The following PTGER3 variants were observed in gnomAD, a reference collection of about 807,000 sequenced individuals.
The protein encoded by PTGER3 is prostaglandin E receptor 3.
PTGER3 carries 22 observed loss-of-function variants against 34.7 expected under a neutral mutation model. That is an observed-to-expected ratio of 0.63 (90% CI 0.45 to 0.91). The LOEUF is 0.91. Ranked by LOEUF, PTGER3 falls within the 40% of genes least tolerant of loss-of-function variation. PTGER3 has a pLI of 0.00. For missense variants in PTGER3, 468 were observed against 519.4 expected (o/e 0.90, Z 0.96); for synonymous variants, 241 against 230.1 (o/e 1.05, Z -0.43).
chr1:71,016,057 C>T (rs562238123), intron 1 of PTGER3, among the ~76,000 whole-genome samples: 151 of 152,112 alleles, frequency 9.9e-4, no homozygotes, highest in Non-Finnish European at 1.6e-3. Flanking sequence ...CTCAGCCTCC[C>T]GAGATGCTGG....
intron 4 of PTGER3, among the ~76,000 whole-genome samples, chr1:70,863,254 CTTCAG>C (rs745571099): frequency 1.4e-4 from 21 of 152,034 alleles, no homozygotes; most frequent in Admixed American, 5.9e-4. Flanking sequence ...CAATTAGCAA[CTTCAG>C]TTCAGATCAT....
In PTGER3 at chr1:71,004,023, C is replaced by A. The variant is rs558605979; in HGVS notation, c.1077+8282G>T. On this transcript the variant is annotated intron_variant, in intron 2 of 3. Coordinates refer to ENST00000306666, the MANE Select transcript of PTGER3 (RefSeq NM_198719.2). ...CCTAAAATAATTAAGAACCAATGTTCTTTCTAATTAAATATCACTTAAAAC... is the reference window on the plus strand; with the variant it reads ...CCTAAAATAATTAAGAACCAATGTTATTTCTAATTAAATATCACTTAAAAC... 2.0e-5 allele frequency among the ~76,000 whole-genome samples: 3 copies of A among 152,284 alleles called. No homozygotes were observed. In the South Asian group the frequency reaches 6.2e-4, roughly 32 times the overall value.
intron 1 of PTGER3, among the ~76,000 whole-genome samples, chr1:71,030,663 A>G (rs887986210): frequency 1.3e-5 from 2 of 152,208 alleles, no homozygotes; most frequent in South Asian, 2.1e-4. Flanking sequence ...GAATGGAATC[A>G]TTTAACAAGT....
intron 2 of PTGER3, among the ~76,000 whole-genome samples, chr1:70,961,922 C>T (rs1651967851): frequency 6.6e-6 from 1 of 152,178 alleles, no homozygotes; most frequent in Non-Finnish European, 1.5e-5. Flanking sequence ...ATCCAAATTC[C>T]AGCCACAAAC....
intron 1 of PTGER3, among the ~76,000 whole-genome samples, chr1:71,043,703 T>C (rs1270393539): frequency 6.6e-6 from 1 of 152,232 alleles, no homozygotes; most frequent in Non-Finnish European, 1.5e-5. Context: ...TAAATTCTAG[T>C]GTTTTTATTC....
intron 4 of PTGER3, among the ~76,000 whole-genome samples, chr1:70,880,739 T>C (rs1419341383): frequency 1.3e-5 from 2 of 151,602 alleles, no homozygotes; most frequent in Non-Finnish European, 2.9e-5. Context: ...CCCCTAAGTC[T>C]CTTCTGGCTT....
chr1:71,006,611 A>G, intron 2 of PTGER3: 2 of 978,786 alleles, frequency 2.0e-6, no homozygotes, highest in Non-Finnish European at 2.4e-6. Context: ...AAACAAAGAA[A>G]CATCATGTTG....
chr1:70,923,556 A>G lies in PTGER3; in HGVS notation c.*23+30207T>C, dbSNP rs143581241. 1.8e-4 allele frequency among the ~76,000 whole-genome samples: 28 copies of G among 152,294 alleles called. No homozygotes were observed. The East Asian group carries it at 5.0e-3, about 27-fold the overall frequency. The stretch of plus-strand genomic sequence containing the variant: ...AGAATAGAGAAAAATCTTTGAGAAC[A>G]CTCTTGGAAAGCTGAAATGTTCATG... On this transcript the variant is annotated intron_variant, in intron 4 of 4. Coordinates refer to the PTGER3 transcript ENST00000370931.
intron 4 of PTGER3, among the ~76,000 whole-genome samples, chr1:70,910,973 A>G (rs1434771432): frequency 6.6e-6 from 1 of 151,818 alleles, no homozygotes; most frequent in Non-Finnish European, 1.5e-5. Context: ...CCAGCTACTC[A>G]GGAGGCTGAG....
Position 70,981,424 on chromosome 1 carries a change from T to C in PTGER3, c.1078-7036A>G, listed in dbSNP as rs141940253. Among the ~76,000 whole-genome samples the C allele has an allele frequency of 8.6e-4, 124 of 144,894 alleles. 2 individuals are homozygous for C. Among genetic ancestry groups the C allele is most frequent in the Non-Finnish European group, 9.5e-4 (63 of 66,628 alleles). ...CCTTCCTTCCTTCCTTCCTTCTTTC[T>C]TTTCTTTCAGACAGAGTCTGTCTCT... On this transcript the variant is annotated intron_variant, in intron 2 of 3. Transcript: ENST00000306666.
chr1:70,968,624 A>G (rs554074216), downstream of PTGER3, among the ~76,000 whole-genome samples: 55 of 152,206 alleles, frequency 3.6e-4, no homozygotes, highest in Admixed American at 5.9e-4. Context: ...CACAATGGAT[A>G]CATTTGTCTA....
At chr1:70,941,522 T>C (rs1265368942) in intron 4 of PTGER3, among the ~76,000 whole-genome samples, 1 of 152,194 alleles carries the variant, frequency 6.6e-6, no homozygotes, top group Admixed American at 6.5e-5. Context: ...CTTATGTGTA[T>C]GACTTACTGG....
intron 1 of PTGER3, among the ~76,000 whole-genome samples, chr1:71,019,279 G>C (rs1658188780): frequency 6.6e-6 from 1 of 152,166 alleles, no homozygotes; most frequent in Non-Finnish European, 1.5e-5. Flanking sequence ...ACTGGTTTTA[G>C]CAAACACACA....
intron 1 of PTGER3, among the ~76,000 whole-genome samples, chr1:71,028,430 C>T (rs1426712760): frequency 6.6e-6 from 1 of 152,192 alleles, no homozygotes; most frequent in African/African-American, 2.4e-5. Context: ...ACTCTGAAGG[C>T]TGCCCTAATT....
intron 1 of PTGER3, among the ~76,000 whole-genome samples, chr1:71,037,735 T>C (rs1160408937): frequency 3.3e-5 from 5 of 151,662 alleles, no homozygotes; most frequent in African/African-American, 1.2e-4. Flanking sequence ...TCCGGCAAGA[T>C]AAAGTGACTT....
chr1:71,014,413 C>T (rs1261760064), intron 1 of PTGER3, among the ~76,000 whole-genome samples: 1 of 152,134 alleles, frequency 6.6e-6, no homozygotes, highest in East Asian at 1.9e-4. Flanking sequence ...AGATCTTCCT[C>T]TCATTTGAAT....
chr1:70,873,060 T>G (rs891760619), intron 4 of PTGER3, among the ~76,000 whole-genome samples: 1 of 152,144 alleles, frequency 6.6e-6, no homozygotes, highest in Non-Finnish European at 1.5e-5. Context: ...ATCCTCAGGA[T>G]AATAGTAGCA....
At chr1:70,870,941 C>G (rs906488575) in intron 4 of PTGER3, among the ~76,000 whole-genome samples, 1 of 152,160 alleles carries the variant, frequency 6.6e-6, no homozygotes, top group African/African-American at 2.4e-5. Context: ...TCTGAGATGT[C>G]GAAACTCTTC....
chr1:70,963,048 G>GCC (rs1168076309), intron 2 of PTGER3, among the ~76,000 whole-genome samples: 9 of 152,136 alleles, frequency 5.9e-5, no homozygotes, highest in Non-Finnish European at 1.0e-4. Context: ...AAATGAAGGG[G>GCC]ATGCAGGCCC....
Sources: gnomAD v4.1 joint callset for allele counts (sites outside exome capture counted in the v4.1 genomes callset) on GRCh38, gnomAD v4.1.1 for gene constraint, MANE v1.5 for transcripts, NCBI Gene and HGNC (gene_info 2026-07-23, HGNC 2026-07-21) for gene names.